DYNC2H1: variants seen among roughly 807,000 people sequenced by gnomAD.
DYNC2H1 encodes the protein cytoplasmic dynein 2 heavy chain 1.
In DYNC2H1, 410 loss-of-function variants were observed where a neutral mutation model predicts 570.0. That is an observed-to-expected ratio of 0.72 (90% CI 0.66 to 0.78). The LOEUF (loss-of-function observed/expected upper bound fraction) is 0.78, where lower values mean the gene tolerates loss of function less well. DYNC2H1 is among the 30% of genes least tolerant of loss of function. The probability of loss-of-function intolerance (pLI) is 0.00; values close to 1 mark genes in which losing one functional copy is unlikely to be tolerated. For missense variants in DYNC2H1, 4,865 were observed against 5,046.4 expected, an observed-to-expected ratio of 0.96 and a Z score of 1.09; for synonymous variants, 1,688 against 1,677.6, an observed-to-expected ratio of 1.01 and a Z score of -0.15.
intron 83 of DYNC2H1, among the ~76,000 whole-genome samples, chr11:103,368,031 G>T (rs1940990142): frequency 1.3e-5 from 2 of 152,006 alleles, no homozygotes; most frequent in Non-Finnish European, 2.9e-5. Flanking sequence ...GCACATTTAG[G>T]TTAGTTCTGT....
chr11:103,402,238 G>A (rs1364276074), intron 84 of DYNC2H1: 1 of 152,078 alleles, frequency 6.6e-6, no homozygotes, highest in African/African-American at 2.4e-5. Context: ...GCCTGTTGAG[G>A]GTCAACGTCC....
chr11:103,213,677 TTTG>T lies in DYNC2H1; in HGVS notation c.8694+1746_8694+1748del, dbSNP rs1233945106. 4.6e-5 allele frequency among the ~76,000 whole-genome samples: 7 copies of T among 152,218 alleles called. 1 individual carries two copies. In the South Asian group the frequency reaches 1.2e-3, roughly 27 times the overall value. ...CTTTGCCTGCTTTTTAATGGAATTC[TTTG>T]TTGTTGTTGTTCAGTTGTTTGAATT... On this transcript the variant is annotated intron_variant, in intron 54 of 88. Transcript: ENST00000375735.
intron 13 of DYNC2H1, among the ~76,000 whole-genome samples, chr11:103,132,222 G>C (rs1194221722): frequency 6.6e-6 from 1 of 151,734 alleles, no homozygotes; most frequent in African/African-American, 2.4e-5. Flanking sequence ...AAACTCTCTT[G>C]ATTTTTTCTC....
At chr11:103,149,466 C>G (rs1860423340) in intron 20 of DYNC2H1, among the ~76,000 whole-genome samples, 1 of 152,036 alleles carries the variant, frequency 6.6e-6, no homozygotes, top group South Asian at 2.1e-4. Flanking sequence ...AACTTATGTG[C>G]CCCCACTTAA....
chr11:103,168,636 T>C (rs893963348), intron 31 of DYNC2H1, 119 bp from the exon 32 acceptor site: 1 of 1,060,986 alleles, frequency 9.4e-7, no homozygotes, highest in South Asian at 1.5e-5. Context: ...ATACCATTCA[T>C]ATGTGTCATG....
At chr11:103,131,479 T>G (rs945105286) in intron 13 of DYNC2H1, among the ~76,000 whole-genome samples, 2 of 152,058 alleles carry the variant, frequency 1.3e-5, no homozygotes, top group Non-Finnish European at 2.9e-5. Flanking sequence ...TTAGTAGAGA[T>G]GGGGTTTCAC....
At chr11:103,348,399 G>A (rs934452112) in intron 82 of DYNC2H1, among the ~76,000 whole-genome samples, 1 of 152,218 alleles carries the variant, frequency 6.6e-6, no homozygotes, top group East Asian at 1.9e-4. Flanking sequence ...GCCACAACAA[G>A]ATAGTGAACA....
At chr11:103,279,666 G>C (rs116969147) in intron 70 of DYNC2H1, among the ~76,000 whole-genome samples, 1 of 147,432 alleles carries the variant, frequency 6.8e-6, no homozygotes, top group Non-Finnish European at 1.5e-5. Flanking sequence ...CTATGTGATT[G>C]GTGTCTTTTT....
chr11:103,228,469 G>A lies in DYNC2H1; in HGVS notation c.9354-2791G>A, dbSNP rs1303823085. Among the ~76,000 whole-genome samples, 1 of 152,126 alleles carries A rather than the reference G, an allele frequency of 6.6e-6. No homozygotes were observed. The highest frequency in any genetic ancestry group is 1.5e-5 in the Non-Finnish European group (1 of 68,004). ...GATTGTTTTTGCGCTTCTGGGTCTA[G>A]CTACCCAGCAGAGCTACTGGGCTCT... On this transcript the variant is annotated intron_variant, in intron 59 of 88. Coordinates refer to ENST00000375735, the MANE Select transcript of DYNC2H1 (RefSeq NM_001377.3). This position sits in a 1 kb window ranked among gnomAD's most constrained non-coding sequence, Gnocchi z 6.1.
intron 82 of DYNC2H1, among the ~76,000 whole-genome samples, chr11:103,339,509 G>T (rs1430295884): frequency 6.6e-6 from 1 of 152,172 alleles, no homozygotes; most frequent in East Asian, 1.9e-4. Context: ...GATTCTCCTT[G>T]TTTTTTGGGT....
intron 84 of DYNC2H1, among the ~76,000 whole-genome samples, chr11:103,423,442 T>G (rs1280534665): frequency 7.5e-6 from 1 of 132,806 alleles, no homozygotes; most frequent in African/African-American, 2.6e-5. Context: ...AAAAAAACCC[T>G]GCAACTGTGT....
rs534967628 is a variant in DYNC2H1, at chr11:103,170,438, A to T, written c.5151+148A>T. On this transcript the variant is annotated intron_variant, in intron 33 of 88. Transcript: ENST00000375735. The surrounding 1 kb of genome is among the most constrained non-coding windows in gnomAD (Gnocchi z 4.8). ...GTTTAAATTGAAATGTAAAATGGAC[A>T]GAGGTTGTACGTAGTATAGTCCAAA... The T allele has an allele frequency of 2.3e-6, 2 of 871,556 alleles. No individual in the cohort carries two copies. The highest frequency in any genetic ancestry group is 2.2e-5 in the South Asian group (1 of 45,426). 54.0% of individuals were successfully genotyped at this position (871,556 alleles called of 1,614,324 possible). A position where few individuals can be genotyped will look rare whatever the true frequency, so the allele number is the denominator to read the frequency against.
intron 83 of DYNC2H1, among the ~76,000 whole-genome samples, chr11:103,374,054 T>C (rs1941289204): frequency 6.6e-6 from 1 of 152,202 alleles, no homozygotes; most frequent in African/African-American, 2.4e-5. Context: ...TTCCATCTCT[T>C]TTCAGTCCAT....
chr11:103,147,829 T>C lies in DYNC2H1; in HGVS notation c.2760T>C (p.Asp920=), dbSNP rs1480126405. Residue 920 remains aspartate (D), a synonymous_variant, in exon 19 of 89, where the codon GAT becomes GAC. Coordinates refer to ENST00000375735, the MANE Select transcript of DYNC2H1 (RefSeq NM_001377.3). ...INCNPVKTVI[D]DLIQKLFDLL... ...GCAACCCTGTGAAGACTGTGATTGA[T>C]GATCTCATCCAGAAGTTATTTGATC... 1 of 1,612,102 alleles carries C rather than the reference T, an allele frequency of 6.2e-7. No homozygotes were observed. Among genetic ancestry groups the C allele is most frequent in the Non-Finnish European group, 8.5e-7 (1 of 1,179,292 alleles).
rs184305452 is a variant in DYNC2H1 at position 103,467,623 on chromosome 11, C to G, written c.12649-966C>G. On this transcript the variant is annotated intron_variant, in intron 87 of 88. Coordinates refer to ENST00000375735, the MANE Select transcript of DYNC2H1 (RefSeq NM_001377.3). ...CGCGATCTCGGCTCACTGCAAGCTC[C>G]GCTTCCCGGATTCACTCCATTCTCC... Among the ~76,000 whole-genome samples, 961 of 152,190 alleles carry G rather than the reference C, an allele frequency of 6.3e-3. 11 individuals are homozygous for G. Among genetic ancestry groups the G allele is most frequent in the Middle Eastern group, 0.01 (3 of 294 alleles).
intron 73 of DYNC2H1, among the ~76,000 whole-genome samples, chr11:103,284,654 T>A (rs1355526448): frequency 6.6e-6 from 1 of 152,164 alleles, no homozygotes; most frequent in African/African-American, 2.4e-5. Context: ...GTAATTAAAT[T>A]GAAATGTAAT....
intron 62 of DYNC2H1, 82 bp downstream of exon 62, chr11:103,235,895 C>T: frequency 6.7e-7 from 1 of 1,494,896 alleles, no homozygotes; most frequent in East Asian, 2.4e-5. Flanking sequence ...TAAAAATAGA[C>T]CCTTTATTCT....
At chr11:103,453,625 TATATATATATATATATACAC>T (rs147661348) in intron 85 of DYNC2H1, among the ~76,000 whole-genome samples, 22,266 of 146,392 alleles carry the variant, frequency 0.15, 1,949 homozygotes, top group East Asian at 0.26. Context: ...CATATATATA[TATATATATATATATATACAC>T]ACATTCATTA....
chr11:103,375,660 T>C (rs985562296), intron 83 of DYNC2H1, among the ~76,000 whole-genome samples: 9 of 152,226 alleles, frequency 5.9e-5, no homozygotes, highest in African/African-American at 2.2e-4. Flanking sequence ...TGGACTTGCA[T>C]GGGGCCTATA....
Sources: gnomAD v4.1 joint callset for allele counts (sites outside exome capture counted in the v4.1 genomes callset) on GRCh38, gnomAD v4.1.1 for gene constraint, Gnocchi (gnomAD v3.1) non-coding constraint, MANE v1.5 for transcripts, NCBI Gene and HGNC (gene_info 2026-07-23, HGNC 2026-07-21) for gene names.